CORO6: variants seen among roughly 807,000 people sequenced by gnomAD.
CORO6 encodes the protein coronin 6, also known as coronin-6.
A neutral mutation model predicts 49.0 loss-of-function variants in CORO6; 43 were observed. That is an observed-to-expected ratio of 0.88 (90% CI 0.69 to 1.13). The LOEUF (loss-of-function observed/expected upper bound fraction) is 1.13, where lower values mean the gene tolerates loss of function less well. Ranked by LOEUF, CORO6 falls within the 50% of genes most tolerant of loss-of-function variation. The probability of loss-of-function intolerance (pLI) is 0.00; values close to 1 mark genes in which losing one functional copy is unlikely to be tolerated. For missense variants in CORO6, 650 were observed against 647.0 expected, an observed-to-expected ratio of 1.00 and a Z score of -0.05; for synonymous variants, 233 against 256.5, an observed-to-expected ratio of 0.91 and a Z score of 0.88.
Position 29,618,471 on chromosome 17 carries a change from C to A in CORO6, c.633+319G>T, listed in dbSNP as rs2035124059. On this transcript the variant is annotated intron_variant, in intron 5 of 10. Coordinates refer to ENST00000388767, the MANE Select transcript of CORO6 (RefSeq NM_032854.4). ...CTGAGAGGAGAGGGGTCCAGGAGCT[C>A]AGGTTTCATGCAGGTTCTGGTGGGA... The A allele has an allele frequency of 3.9e-6, 5 of 1,292,584 alleles. No homozygotes were observed. In the Admixed American group the frequency reaches 1.5e-4, roughly 39 times the overall value. 80.1% of individuals were successfully genotyped at this position (1,292,584 alleles called of 1,614,324 possible).
At position 29,616,238 on chromosome 17, in the gene CORO6, C is replaced by T. The variant is rs547733920; in HGVS notation, c.1062+41G>A. 2.5e-5 allele frequency: 41 copies of T among 1,610,690 alleles called. No homozygotes were observed. The South Asian group carries it at 4.4e-4, about 17-fold the overall frequency. On this transcript the variant is annotated intron_variant, in intron 9 of 10. Coordinates refer to ENST00000388767, the MANE Select transcript of CORO6 (RefSeq NM_032854.4). The surrounding 1 kb of genome is among the most constrained non-coding windows in gnomAD (Gnocchi z 5.6). ...GGTGCGGGGCTTGCTCCGCTCCCTT[C>T]CGCCTCGTAGCCCTGCCCAACCCTT...
At chr17:29,617,981 C>T in intron 5 of CORO6, 2 of 1,331,290 alleles carry the variant, frequency 1.5e-6, no homozygotes, top group East Asian at 2.9e-5. Context: ...CAGCCACAGC[C>T]CGGGAAGGCG....
chr17:29,619,232 C>T, intron 3 of CORO6, 43 bp from the exon 4 acceptor site: 1 of 1,605,238 alleles, frequency 6.2e-7, no homozygotes, highest in Non-Finnish European at 8.5e-7. Flanking sequence ...AATGAGGAGC[C>T]ACCCTGTCCC....
intron 5 of CORO6, 193 bp downstream of exon 5, chr17:29,618,597 A>G (rs2035132240): frequency 7.1e-7 from 1 of 1,411,528 alleles, no homozygotes; most frequent in Non-Finnish European, 9.2e-7. Context: ...AGCCGGGCAG[A>G]GAATTGCAGG....
At chr17:29,619,229 A>G (rs1217079454) in intron 3 of CORO6, 40 bp from the exon 4 acceptor site, 3 of 1,607,044 alleles carry the variant, frequency 1.9e-6, no homozygotes, top group Non-Finnish European at 1.7e-6. Flanking sequence ...TGGAATGAGG[A>G]GCCACCCTGT....
chr17:29,616,655 G>A lies in CORO6; in HGVS notation c.1004+47C>T, dbSNP rs201030691. 1.3e-6 allele frequency: 2 copies of A among 1,596,806 alleles called. No individual in the cohort carries two copies. Among genetic ancestry groups the A allele is most frequent in the Admixed American group, 3.4e-5 (2 of 59,678 alleles). On this transcript the variant is annotated intron_variant, in intron 8 of 10. Transcript: ENST00000388767. This position sits in a 1 kb window ranked among gnomAD's most constrained non-coding sequence, Gnocchi z 5.6. The stretch of plus-strand genomic sequence containing the variant: ...CCCGTGGCTAGGACCCGACATGAGT[G>A]GGGGACAGAGGCGGGTAGGTGTTCA...
At position 29,615,416 on chromosome 17, in the gene CORO6, C is replaced by T; in HGVS notation, c.*316G>A. The T allele has an allele frequency of 3.0e-6, 1 of 335,086 alleles. No homozygotes were observed. The allele number at this position is 335,086 out of a possible 1,614,324, so 20.8% of individuals were successfully genotyped here. A position where few individuals can be genotyped will look rare whatever the true frequency, so the allele number is the denominator to read the frequency against. ...CATCACGCTAATACTAAGCACTTTC[C>T]CTGCCCTGGGCGGAGGACAAAGGGG... On this transcript the variant is annotated 3_prime_UTR_variant, in exon 11 of 11. Coordinates refer to ENST00000388767, the MANE Select transcript of CORO6 (RefSeq NM_032854.4).
chr17:29,619,592 T>C, intron 3 of CORO6, 59 bp downstream of exon 3: 2 of 1,562,636 alleles, frequency 1.3e-6, no homozygotes, highest in Non-Finnish European at 8.8e-7. Context: ...CCAGCACAGG[T>C]GAGGCAGCCT....
rs761021544 is a variant in CORO6, at chr17:29,616,916, C to G, written c.858+22G>C. On this transcript the variant is annotated intron_variant, in intron 7 of 10. Transcript: ENST00000388767. This position sits in a 1 kb window ranked among gnomAD's most constrained non-coding sequence, Gnocchi z 5.6. ...CCACATCTCCATCCAGTGCCCTGTT[C>G]TCCCTGCCCGGCCGTGAGCACCTTG... 16 of 1,613,726 alleles carry G rather than the reference C, an allele frequency of 9.9e-6. No individual in the cohort carries two copies. The Admixed American group carries it at 2.7e-4, about 27-fold the overall frequency.
chr17:29,615,948 C>CA lies in CORO6; in HGVS notation c.1289dup (p.Leu430PhefsTer122). 1 of 1,579,942 alleles carries CA rather than the reference C, an allele frequency of 6.3e-7. No individual in the cohort carries two copies. The highest frequency in any genetic ancestry group is 1.1e-5 in the South Asian group (1 of 86,960). On this transcript the variant is annotated frameshift_variant, in exon 10 of 11. Transcript: ENST00000388767. LOFTEE classifies it high-confidence loss of function. ...AGTGCAGCAGGGCCGATCTTACCGA[C>CA]AAGGGGGCGTCGCTGGCCGACTGGC...
In CORO6 at chr17:29,616,907, T is replaced by C. The variant is rs1326588384; in HGVS notation, c.858+31A>G. ...CAAGGCCCTCCACATCTCCATCCAG[T>C]GCCCTGTTCTCCCTGCCCGGCCGTG... On this transcript the variant is annotated intron_variant, in intron 7 of 10. Transcript: ENST00000388767. The surrounding 1 kb of genome is among the most constrained non-coding windows in gnomAD (Gnocchi z 5.6). 6.2e-7 allele frequency: 1 copy of C among 1,613,510 alleles called. No individual in the cohort carries two copies. Among genetic ancestry groups the C allele is most frequent in the African/African-American group, 1.3e-5 (1 of 74,902 alleles).
rs924896425 is a variant in CORO6 at position 29,616,146 on chromosome 17, C to T, written c.1092G>A (p.Pro364=). 6.2e-7 allele frequency: 1 copy of T among 1,613,422 alleles called. No individual in the cohort carries two copies. Among genetic ancestry groups the T allele is most frequent in the Non-Finnish European group, 8.5e-7 (1 of 1,179,952 alleles). Residue 364 remains proline (P), a synonymous_variant, in exon 10 of 11, where the codon CCG becomes CCA. Coordinates refer to ENST00000388767, the MANE Select transcript of CORO6 (RefSeq NM_032854.4). This position sits in a 1 kb window ranked among gnomAD's most constrained non-coding sequence, Gnocchi z 5.6. The part of the protein sequence containing the change: ...KSDLFQDDLY[P]DTPGPEPALE... ...GGGCCGGCTCCGGGCCTGGCGTATC[C>T]GGGTACAGATCGTCCTGGAAGAGGT... is the stretch of plus-strand genomic sequence containing the variant.
intron 3 of CORO6, 39 bp downstream of exon 3, chr17:29,619,612 C>T (rs903333300): frequency 1.2e-6 from 2 of 1,604,352 alleles, no homozygotes; most frequent in Non-Finnish European, 1.7e-6. Flanking sequence ...TTCCCTGCTC[C>T]CCTGCTCAAC....
chr17:29,621,463 CTT>C lies in CORO6; in HGVS notation c.-44_-43del. The C allele has an allele frequency of 6.4e-7, 1 of 1,562,314 alleles. No homozygotes were observed. Among genetic ancestry groups the C allele is most frequent in the Non-Finnish European group, 8.7e-7 (1 of 1,152,384 alleles). On this transcript the variant is annotated 5_prime_UTR_variant, in exon 2 of 11. Transcript: ENST00000388767. The surrounding 1 kb of genome is among the most constrained non-coding windows in gnomAD (Gnocchi z 4.2). ...GTAGGATCTCAGTGCCCAGAAATGC[CTT>C]TGGTCCTTAGTCCTGTGAGCTGCGG...
intron 5 of CORO6, chr17:29,618,040 T>C: frequency 3.4e-6 from 5 of 1,487,506 alleles, no homozygotes; most frequent in Non-Finnish European, 4.4e-6. Flanking sequence ...CGGCGCGGCC[T>C]GGCCTACCGG....
chr17:29,619,876 C>T, intron 2 of CORO6, 103 bp from the exon 3 acceptor site: 1 of 1,055,946 alleles, frequency 9.5e-7, no homozygotes, highest in East Asian at 2.4e-5. Context: ...CCTATTTTCT[C>T]TTTGCAGATC....
In CORO6 at chr17:29,621,126, C is replaced by T; in HGVS notation, c.198+98G>A. On this transcript the variant is annotated intron_variant, in intron 2 of 10. Transcript: ENST00000388767. The surrounding 1 kb of genome is among the most constrained non-coding windows in gnomAD (Gnocchi z 4.2). ...GAGCCAATCCACACAGATGCTTCTC[C>T]TGACTATGGAATGGAACTAGGTGAG... The T allele has an allele frequency of 6.8e-7, 1 of 1,469,992 alleles. No individual in the cohort carries two copies. Among genetic ancestry groups the T allele is most frequent in the Non-Finnish European group, 9.3e-7 (1 of 1,079,802 alleles). 91.1% of individuals were successfully genotyped at this position (1,469,992 alleles called of 1,614,324 possible). A position where few individuals can be genotyped will look rare whatever the true frequency, so the allele number is the denominator to read the frequency against.
chr17:29,616,402 C>A lies in CORO6; in HGVS notation c.1005-66G>T. 2 of 1,497,860 alleles carry A rather than the reference C, an allele frequency of 1.3e-6. No individual in the cohort carries two copies. The highest frequency in any genetic ancestry group is 1.8e-6 in the Non-Finnish European group (2 of 1,103,604). 92.8% of individuals were successfully genotyped at this position (1,497,860 alleles called of 1,614,324 possible). ...GTCCTTAACTTCTCCTGTCTAAGAC[C>A]AAGGGGGTTGGAGGCCAACACTTGC... On this transcript the variant is annotated intron_variant, in intron 8 of 10. Coordinates refer to ENST00000388767, the MANE Select transcript of CORO6 (RefSeq NM_032854.4). The surrounding 1 kb of genome is among the most constrained non-coding windows in gnomAD (Gnocchi z 5.6).
rs772993131 is a variant in CORO6, at chr17:29,616,311, A to G, written c.1030T>C (p.Cys344Arg). 6.8e-6 allele frequency: 11 copies of G among 1,609,654 alleles called. No individual in the cohort carries two copies. In the Admixed American group the frequency reaches 1.0e-4, roughly 15 times the overall value. Reference protein sequence around the residue: ...ARFYKLHERKCEPIIMTVPRK... With the variant: ...ARFYKLHERKREPIIMTVPRK... ...GGCACAGTCATGATGATAGGTTCAC[A>G]CTTTCTTTCGTGTAGCTTGTAGAAC... The change falls in exon 9 of 11, where the codon TGT becomes CGT. Residue 344 changes from cysteine to arginine, a missense_variant. By Grantham distance (180) the Cys-to-Arg change is radical. Coordinates refer to ENST00000388767, the MANE Select transcript of CORO6 (RefSeq NM_032854.4). The surrounding 1 kb of genome is among the most constrained non-coding windows in gnomAD (Gnocchi z 5.6).
Sources: gnomAD v4.1 joint callset for allele counts on GRCh38, gnomAD v4.1.1 for gene constraint, Gnocchi (gnomAD v3.1) non-coding constraint, MANE v1.5 for transcripts, NCBI Gene and HGNC (gene_info 2026-07-23, HGNC 2026-07-21) for gene names.